FGGY: variants seen among roughly 807,000 people sequenced by gnomAD.
FGGY encodes FGGY carbohydrate kinase domain-containing protein.
FGGY carries 72 observed loss-of-function variants against 71.3 expected under a neutral mutation model. The observed-to-expected ratio is 1.01, with a 90% CI of 0.84 to 1.23. FGGY has a LOEUF of 1.23. Ranked by LOEUF, FGGY falls within the 50% of genes most tolerant of loss-of-function variation. The pLI, the probability that FGGY is intolerant of heterozygous loss-of-function variation, is 0.00. For synonymous variants in FGGY, 251 were observed against 250.3 expected (o/e 1.00, Z -0.02); for missense variants, 668 against 682.3 (o/e 0.98, Z 0.23).
At chr1:59,628,768 A>C (rs2096882280) in intron 10 of FGGY, among the ~76,000 whole-genome samples, 1 of 152,176 alleles carries the variant, frequency 6.6e-6, no homozygotes, top group African/African-American at 2.4e-5. Flanking sequence ...GCACAGGACA[A>C]AAGAGAGATA....
rs187957320 is a variant in FGGY, at chr1:59,318,936, A to G, written c.-14-2600A>G. Among the ~76,000 whole-genome samples the G allele has an allele frequency of 1.6e-3, 245 of 152,318 alleles. 1 individual carries two copies. Among genetic ancestry groups the G allele is most frequent in the African/African-American group, 5.6e-3 (234 of 41,582 alleles). On this transcript the variant is annotated intron_variant, in intron 1 of 15. Transcript: ENST00000303721. ...GTAAGCAGCTGTGAGAGGTTGGTAG[A>G]GGGAAGGTAGAGTGGCTAGCTTCAA...
At chr1:59,437,301 GT>G (rs1334863969) in intron 5 of FGGY, among the ~76,000 whole-genome samples, 2 of 152,200 alleles carry the variant, frequency 1.3e-5, no homozygotes, top group Non-Finnish European at 2.9e-5. Context: ...AATATAAAAA[GT>G]GTGAGTGCAG....
intron 5 of FGGY, among the ~76,000 whole-genome samples, chr1:59,435,742 CTGCGTGTGTGTGTGTGTGTGTGTG>C (rs1557914666): frequency 8.4e-6 from 1 of 118,962 alleles, no homozygotes; most frequent in East Asian, 2.3e-4. Flanking sequence ...ACGTGTGTGC[CTGCGTGTGTGTGTGTGTGTGTGTG>C]TGTGTGTGTG....
intron 5 of FGGY, among the ~76,000 whole-genome samples, chr1:59,399,619 A>T (rs1302666342): frequency 6.6e-6 from 1 of 152,234 alleles, no homozygotes; most frequent in Non-Finnish European, 1.5e-5. Flanking sequence ...TACATAAAGT[A>T]TCTAGCACTT....
chr1:59,484,315 C>T (rs1433093101), intron 6 of FGGY, among the ~76,000 whole-genome samples: 1 of 152,126 alleles, frequency 6.6e-6, no homozygotes, highest in East Asian at 1.9e-4. Context: ...TGAACAGGGC[C>T]AGATCCGATA....
chr1:59,378,916 C>G (rs896323495), intron 5 of FGGY, 79 bp downstream of exon 5: 4 of 1,185,382 alleles, frequency 3.4e-6, no homozygotes, highest in Admixed American at 1.8e-5. Flanking sequence ...TCTTAACTCT[C>G]TTTGACTGGA....
At chr1:59,463,691 A>C (rs939047420) in intron 6 of FGGY, among the ~76,000 whole-genome samples, 4 of 152,068 alleles carry the variant, frequency 2.6e-5, no homozygotes, top group South Asian at 2.1e-4. Flanking sequence ...TGGAAAAAAA[A>C]AAAAAAAGGC....
chr1:59,470,641 T>C (rs1558037818), intron 6 of FGGY, among the ~76,000 whole-genome samples: 2 of 152,352 alleles, frequency 1.3e-5, no homozygotes, highest in African/African-American at 2.4e-5. Context: ...AAATTCCCTT[T>C]TGTAAACAAA....
chr1:59,497,237 GA>G (rs1376347955), intron 6 of FGGY, among the ~76,000 whole-genome samples: 1 of 152,098 alleles, frequency 6.6e-6, no homozygotes, highest in Admixed American at 6.5e-5. Context: ...GCAGGAAGAG[GA>G]AAAAAAGTGC....
intron 14 of FGGY, among the ~76,000 whole-genome samples, chr1:59,708,509 G>T (rs1348149599): frequency 1.3e-5 from 2 of 152,150 alleles, no homozygotes; most frequent in Non-Finnish European, 2.9e-5. Context: ...CAATCTCTAA[G>T]GTGCAGGTGA....
rs539127227 is a variant in FGGY, at chr1:59,423,814, G to A, written c.555-33147G>A. Among the ~76,000 whole-genome samples the A allele has an allele frequency of 7.9e-5, 12 of 152,222 alleles. No homozygotes were observed. The South Asian group carries it at 1.2e-3, about 16-fold the overall frequency. On this transcript the variant is annotated intron_variant, in intron 5 of 15. Transcript: ENST00000303721. ...TCTCTGTTTCTCCAGCTGGAGTTTC[G>A]TTCCTTCTTTGACCTGCCTGGCAAA...
intron 2 of FGGY, among the ~76,000 whole-genome samples, chr1:59,322,897 A>G (rs577309945): frequency 2.6e-5 from 4 of 152,266 alleles, no homozygotes; most frequent in Admixed American, 2.6e-4. Flanking sequence ...AGTTCCTTAA[A>G]TATTCATGAG....
chr1:59,638,109 A>G, intron 10 of FGGY, 119 bp from the exon 11 acceptor site: 1 of 996,206 alleles, frequency 1.0e-6, no homozygotes, highest in Non-Finnish European at 1.5e-6. Flanking sequence ...AGCTTCTCTG[A>G]AGCTTTTAGG....
intron 3 of FGGY, among the ~76,000 whole-genome samples, chr1:59,344,921 C>A (rs2051497929): frequency 6.6e-6 from 1 of 152,186 alleles, no homozygotes; most frequent in Admixed American, 6.5e-5. Flanking sequence ...AGTATCTCAG[C>A]TGGTGTCCTT....
At chr1:59,654,662 T>C (rs746187619) in intron 11 of FGGY, among the ~76,000 whole-genome samples, 3 of 152,176 alleles carry the variant, frequency 2.0e-5, no homozygotes, top group Non-Finnish European at 4.4e-5. Context: ...AACCTATAAT[T>C]TATAATACCA....
chr1:59,433,852 T>C (rs1242398978), intron 5 of FGGY, among the ~76,000 whole-genome samples: 1 of 152,192 alleles, frequency 6.6e-6, no homozygotes, highest in Non-Finnish European at 1.5e-5. Flanking sequence ...AAATTCTAGA[T>C]CTGTAGCATG....
chr1:59,407,493 G>C (rs184249599), intron 5 of FGGY, among the ~76,000 whole-genome samples: 60 of 152,174 alleles, frequency 3.9e-4, no homozygotes, highest in African/African-American at 1.3e-3. Context: ...GGTGCCTCTT[G>C]TCCTGAGCTT....
chr1:59,388,299 A>T (rs2060309267), intron 5 of FGGY, among the ~76,000 whole-genome samples: 1 of 152,166 alleles, frequency 6.6e-6, no homozygotes, highest in Admixed American at 6.5e-5. Flanking sequence ...GTGTGAGCTC[A>T]TTATTATCAC....
intron 1 of FGGY, among the ~76,000 whole-genome samples, chr1:59,307,993 C>T (rs534171038): frequency 3.9e-5 from 6 of 152,194 alleles, no homozygotes; most frequent in Admixed American, 3.9e-4. Flanking sequence ...TCCAGGGGGT[C>T]TCCAGGAAGG....
Sources: allele counts gnomAD v4.1 joint callset (sites outside exome capture counted in the v4.1 genomes callset), GRCh38; gene constraint gnomAD v4.1.1; transcripts MANE v1.5; gene names NCBI Gene and HGNC (gene_info 2026-07-23, HGNC 2026-07-21).